Variants in KHDRBS2 observed in about 807,000 individuals in gnomAD.
KHDRBS2 encodes KH domain-containing, RNA-binding, signal transduction-associated protein 2.
KHDRBS2 carries 26 observed loss-of-function variants against 44.3 expected under a neutral mutation model. The ratio of observed to expected loss-of-function variants is 0.59; its 90% CI spans 0.43 to 0.81. The LOEUF (loss-of-function observed/expected upper bound fraction) is 0.81, where lower values mean the gene tolerates loss of function less well. Among genes scored for constraint, KHDRBS2 ranks in the 40% least tolerant of loss-of-function variants. The pLI is 0.00. For missense variants in KHDRBS2, 476 were observed against 433.1 expected, an observed-to-expected ratio of 1.10 and a Z score of -0.88; for synonymous variants, 194 against 151.1, an observed-to-expected ratio of 1.28 and a Z score of -2.08.
chr6:61,630,339 C>T, the KHDRBS2 span: 1 of 144,326 alleles, frequency 6.9e-6, no homozygotes, highest in Admixed American at 7.1e-5. Context: ...AGCCAATGAA[C>T]ATTTTTTGTA....
At chr6:61,748,480 A>C (rs1777181076) in intron 6 of KHDRBS2, among the ~76,000 whole-genome samples, 1 of 152,192 alleles carries the variant, frequency 6.6e-6, no homozygotes, top group East Asian at 1.9e-4. Context: ...TTGCAAACTC[A>C]CCAGGTCTAT....
intron 6 of KHDRBS2, among the ~76,000 whole-genome samples, chr6:61,736,483 C>T (rs73474530): frequency 0.056 from 8,451 of 152,034 alleles, 386 homozygotes; most frequent in African/African-American, 0.11. Context: ...TTTTAGGAAT[C>T]GGGCTTTTGG....
intron 2 of KHDRBS2, among the ~76,000 whole-genome samples, chr6:62,176,583 G>A (rs1821143397): frequency 6.6e-6 from 1 of 151,106 alleles, no homozygotes; most frequent in Non-Finnish European, 1.5e-5. Flanking sequence ...CCATTGAAAT[G>A]TATGAATATA....
chr6:62,181,287 A>C lies in KHDRBS2; in HGVS notation c.92-3975T>G, dbSNP rs560505722. Among the ~76,000 whole-genome samples the C allele has an allele frequency of 3.9e-5, 6 of 152,128 alleles. No individual in the cohort carries two copies. The East Asian group carries it at 1.2e-3, about 29-fold the overall frequency. ...ACAGAATGGAATGAAATATTTGAAA[A>C]CCATATATCTGATAATAGATCTGAT... On this transcript the variant is annotated intron_variant, in intron 1 of 8. Coordinates refer to ENST00000281156, the MANE Select transcript of KHDRBS2 (RefSeq NM_152688.4).
chr6:62,037,825 A>T (rs1179809162), intron 3 of KHDRBS2, among the ~76,000 whole-genome samples: 1 of 152,024 alleles, frequency 6.6e-6, no homozygotes, highest in Non-Finnish European at 1.5e-5. Flanking sequence ...CAAAACTCTG[A>T]CCTCAAAAAG....
At chr6:62,109,482 G>T (rs1447290334) in intron 2 of KHDRBS2, among the ~76,000 whole-genome samples, 1 of 151,750 alleles carries the variant, frequency 6.6e-6, no homozygotes. Context: ...AAAGAAAAAA[G>T]CCATTCAGGT....
chr6:62,189,423 T>C (rs1380072912), intron 1 of KHDRBS2, among the ~76,000 whole-genome samples: 1 of 152,064 alleles, frequency 6.6e-6, no homozygotes, highest in Non-Finnish European at 1.5e-5. Flanking sequence ...TTTCCAAAAT[T>C]CCTTAACTAT....
chr6:62,281,481 G>A (rs1185648379), intron 1 of KHDRBS2, among the ~76,000 whole-genome samples: 11 of 151,992 alleles, frequency 7.2e-5, no homozygotes, highest in Admixed American at 7.2e-4. Flanking sequence ...TTAGCCGGGT[G>A]TGGTGGCACG....
At chr6:62,200,936 G>C (rs1826840023) in intron 1 of KHDRBS2, among the ~76,000 whole-genome samples, 1 of 152,038 alleles carries the variant, frequency 6.6e-6, no homozygotes, top group Admixed American at 6.6e-5. Context: ...TTCTTTGTAG[G>C]GGCATGGATG....
intron 6 of KHDRBS2, among the ~76,000 whole-genome samples, chr6:61,741,732 C>T (rs1776166217): frequency 6.6e-6 from 1 of 151,878 alleles, no homozygotes; most frequent in Admixed American, 6.6e-5. Context: ...GTGAAATTGA[C>T]ATGTTTTTGT....
chr6:61,993,240 G>A (rs1242165829), intron 3 of KHDRBS2, among the ~76,000 whole-genome samples: 1 of 152,026 alleles, frequency 6.6e-6, no homozygotes, highest in Non-Finnish European at 1.5e-5. Flanking sequence ...ATGTTTGCCA[G>A]GAGAGAAACT....
At chr6:61,803,903 T>C (rs1007102204) in intron 6 of KHDRBS2, among the ~76,000 whole-genome samples, 15 of 152,092 alleles carry the variant, frequency 9.9e-5, no homozygotes, top group African/African-American at 3.6e-4. Flanking sequence ...ATGAGGTCCC[T>C]ACCCCAACAT....
intron 2 of KHDRBS2, among the ~76,000 whole-genome samples, chr6:62,074,230 C>A (rs186568569): frequency 1.0e-3 from 156 of 151,906 alleles, no homozygotes; most frequent in Non-Finnish European, 3.8e-4. Context: ...TTAAGCCATG[C>A]CTGGACTTCT....
the KHDRBS2 span, among the ~76,000 whole-genome samples, chr6:61,550,038 G>A: frequency 1.3e-5 from 2 of 152,032 alleles, no homozygotes; most frequent in African/African-American, 2.4e-5. Context: ...GAGTTTCTAA[G>A]TTTAAATTTC....
At chr6:61,700,540 T>C (rs1168114805) in intron 7 of KHDRBS2, among the ~76,000 whole-genome samples, 1 of 151,526 alleles carries the variant, frequency 6.6e-6, no homozygotes, top group Non-Finnish European at 1.5e-5. Flanking sequence ...ATTTCTTCCA[T>C]AGATAAATGT....
chr6:61,568,583 G>C, the KHDRBS2 span, among the ~76,000 whole-genome samples: 1 of 151,990 alleles, frequency 6.6e-6, no homozygotes. Context: ...GAAAAACTGT[G>C]ACTTCCCAAA....
chr6:61,952,919 C>T (rs901357732), intron 4 of KHDRBS2, among the ~76,000 whole-genome samples: 1 of 152,024 alleles, frequency 6.6e-6, no homozygotes, highest in Non-Finnish European at 1.5e-5. Context: ...CACATTCTGT[C>T]TTGGGGAGCT....
At chr6:61,906,034 G>A (rs1424578948) in intron 4 of KHDRBS2, among the ~76,000 whole-genome samples, 2 of 151,816 alleles carry the variant, frequency 1.3e-5, no homozygotes, top group Admixed American at 6.6e-5. Context: ...TTTTAGTAGA[G>A]ACGGGGTTCC....
the KHDRBS2 span, among the ~76,000 whole-genome samples, chr6:61,560,325 C>T: frequency 6.6e-6 from 1 of 152,026 alleles, no homozygotes; most frequent in Admixed American, 6.6e-5. Flanking sequence ...CAATCAACTT[C>T]CTTGTACTGG....
Sources: allele counts gnomAD v4.1 joint callset (sites outside exome capture counted in the v4.1 genomes callset), GRCh38; gene constraint gnomAD v4.1.1; transcripts MANE v1.5; gene names NCBI Gene and HGNC (gene_info 2026-07-23, HGNC 2026-07-21).